Variants in ADAMTSL1 observed in about 807,000 individuals in gnomAD.
The protein encoded by ADAMTSL1 is ADAMTS like 1.
Under a neutral mutation model 201.8 loss-of-function variants are expected in ADAMTSL1, and 126 were observed. That is an observed-to-expected ratio of 0.62 (90% CI 0.54 to 0.72). The LOEUF is 0.72. Among genes scored for constraint, ADAMTSL1 ranks in the 30% least tolerant of loss-of-function variants. ADAMTSL1 has a pLI of 0.00. For missense variants in ADAMTSL1, 2,679 were observed against 2,277.8 expected (o/e 1.18, Z -3.59); for synonymous variants, 1,121 against 903.4 (o/e 1.24, Z -4.32).
At chr9:18,900,681 C>T (rs1343094758) in intron 26 of ADAMTSL1, among the ~76,000 whole-genome samples, 2 of 151,122 alleles carry the variant, frequency 1.3e-5, no homozygotes, top group African/African-American at 2.4e-5. Flanking sequence ...GAACAGAAAA[C>T]CAAACACCGT....
intron 4 of ADAMTSL1, among the ~76,000 whole-genome samples, chr9:18,579,956 A>T (rs1336068859): frequency 6.6e-6 from 1 of 152,248 alleles, no homozygotes; most frequent in East Asian, 1.9e-4. Context: ...TGCTGTTAAA[A>T]ATAATTTTGA....
intron 7 of ADAMTSL1, among the ~76,000 whole-genome samples, chr9:18,651,910 TTA>T (rs144354985): frequency 3.3e-5 from 5 of 149,978 alleles, no homozygotes; most frequent in African/African-American, 7.3e-5. Flanking sequence ...GTTTATAAAA[TTA>T]TATATATATA....
chr9:18,301,175 A>T (rs1833695186), intron 2 of ADAMTSL1, among the ~76,000 whole-genome samples: 1 of 152,186 alleles, frequency 6.6e-6, no homozygotes, highest in Non-Finnish European at 1.5e-5. Flanking sequence ...AGGAAGAAAG[A>T]AAAAAAGTAT....
At chr9:18,244,810 A>G (rs190949931) in intron 2 of ADAMTSL1, among the ~76,000 whole-genome samples, 1 of 151,908 alleles carries the variant, frequency 6.6e-6, no homozygotes, top group Admixed American at 6.6e-5. Flanking sequence ...CTCCTCTCTT[A>G]TGGTTTAGAT....
intron 2 of ADAMTSL1, among the ~76,000 whole-genome samples, chr9:18,219,627 G>A (rs1174130763): frequency 6.6e-6 from 1 of 151,878 alleles, no homozygotes; most frequent in Non-Finnish European, 1.5e-5. Context: ...CCTTGGCCTG[G>A]GATTACAGGC....
Position 18,888,033 on chromosome 9 carries a change from A to G in ADAMTSL1, c.4452A>G (p.Leu1484=), listed in dbSNP as rs755487701. ...GGGTGCTCATGCAGAAGGCATCTTT[A>G]GTGATCCAAGGTAAGAAACCCTGCA... is the stretch of plus-strand genomic sequence containing the variant. ...EAGVLMQKAS[L]VIQDYWWSVD... is the part of the protein sequence containing the mutation. Residue 1484 remains leucine, a synonymous_variant, in exon 24 of 29, where the codon TTA becomes TTG. Transcript: ENST00000380548. 3 of 1,612,962 alleles carry G rather than the reference A, an allele frequency of 1.9e-6. No individual in the cohort carries two copies. The highest frequency in any genetic ancestry group is 2.5e-6 in the Non-Finnish European group (3 of 1,179,552).
intron 2 of ADAMTSL1, among the ~76,000 whole-genome samples, chr9:18,289,189 C>T (rs1833153002): frequency 6.7e-6 from 1 of 149,078 alleles, no homozygotes; most frequent in Non-Finnish European, 1.5e-5. Context: ...ACCTATCTAT[C>T]TATAGAGAGA....
At chr9:18,304,423 C>G (rs112600180) in intron 2 of ADAMTSL1, among the ~76,000 whole-genome samples, 6,579 of 151,522 alleles carry the variant, frequency 0.043, 468 homozygotes, top group African/African-American at 0.15. Context: ...CTGTACTGTG[C>G]CTAGTGTTAT....
chr9:18,507,635 A>G (rs1817758694), intron 2 of ADAMTSL1, among the ~76,000 whole-genome samples: 1 of 152,194 alleles, frequency 6.6e-6, no homozygotes, highest in African/African-American at 2.4e-5. Context: ...AACAGCTTAG[A>G]TAGTTCCTGC....
chr9:18,036,661 A>G (rs1821212389), intron 1 of ADAMTSL1, among the ~76,000 whole-genome samples: 1 of 152,168 alleles, frequency 6.6e-6, no homozygotes, highest in Non-Finnish European at 1.5e-5. Flanking sequence ...GGGGAAGCAA[A>G]GAAAATAGGC....
intron 1 of ADAMTSL1, among the ~76,000 whole-genome samples, chr9:18,087,176 A>C (rs1452208880): frequency 1.3e-5 from 2 of 152,136 alleles, no homozygotes; most frequent in Non-Finnish European, 2.9e-5. Flanking sequence ...AATTTCAGTC[A>C]TAACCTTTTC....
At chr9:18,247,387 A>G (rs192566465) in intron 2 of ADAMTSL1, among the ~76,000 whole-genome samples, 183 of 152,304 alleles carry the variant, frequency 1.2e-3, no homozygotes, top group African/African-American at 3.4e-3. Flanking sequence ...ATCTATTTTC[A>G]TCAATAATTT....
chr9:18,310,885 C>G (rs1020599682), intron 2 of ADAMTSL1, among the ~76,000 whole-genome samples: 9 of 152,120 alleles, frequency 5.9e-5, no homozygotes, highest in African/African-American at 2.2e-4. Flanking sequence ...AATCATGCTG[C>G]TATGAAGACA....
rs903778149 is a variant in ADAMTSL1, at chr9:18,287,504, G to A, written c.207+123523G>A. 8.8e-4 allele frequency among the ~76,000 whole-genome samples: 132 copies of A among 150,818 alleles called. 1 individual carries two copies. Among genetic ancestry groups the A allele is most frequent in the African/African-American group, 2.6e-3 (108 of 41,076 alleles). ...AGATATGTAATGCATGTATTTATAT[G>A]TGCACATATGTAATATATTTACATA... On this transcript the variant is annotated intron_variant, in intron 2 of 29. Transcript: ENST00000680146.
intron 1 of ADAMTSL1, among the ~76,000 whole-genome samples, chr9:17,923,024 G>C (rs567760548): frequency 6.6e-6 from 1 of 152,248 alleles, no homozygotes; most frequent in South Asian, 2.1e-4. Flanking sequence ...ACAGATACTT[G>C]TTTAGAAAAC....
chr9:18,717,872 A>G (rs545004482), intron 14 of ADAMTSL1: 2 of 820,378 alleles, frequency 2.4e-6, no homozygotes, highest in Admixed American at 3.6e-5. Context: ...AGGAAAGTCC[A>G]TTTAAGATGC....
chr9:18,810,072 G>A (rs147507641), intron 20 of ADAMTSL1, among the ~76,000 whole-genome samples: 1 of 152,158 alleles, frequency 6.6e-6, no homozygotes, highest in Non-Finnish European at 1.5e-5. Context: ...CTCTAACTCT[G>A]AGTAGGGAGG....
chr9:18,030,480 A>C (rs1014974068), intron 1 of ADAMTSL1, among the ~76,000 whole-genome samples: 12 of 152,162 alleles, frequency 7.9e-5, no homozygotes, highest in African/African-American at 2.9e-4. Context: ...GCAGCACACC[A>C]GCATGGCACA....
At chr9:18,499,961 A>G (rs373206023) in intron 1 of ADAMTSL1, among the ~76,000 whole-genome samples, 3 of 152,148 alleles carry the variant, frequency 2.0e-5, no homozygotes, top group South Asian at 2.1e-4. Flanking sequence ...TACCCTGTAT[A>G]TGCGTGTCTC....
Sources: gnomAD v4.1 joint callset for allele counts (sites outside exome capture counted in the v4.1 genomes callset) on GRCh38, gnomAD v4.1.1 for gene constraint, MANE v1.5 for transcripts, NCBI Gene and HGNC (gene_info 2026-07-23, HGNC 2026-07-21) for gene names.